The following CAMTA1 variants were observed in gnomAD, a reference collection of about 807,000 sequenced individuals.
CAMTA1 encodes calmodulin binding transcription activator 1.
A neutral mutation model predicts 170.9 loss-of-function variants in CAMTA1; 27 were observed. The observed-to-expected ratio is 0.16, with a 90% CI of 0.12 to 0.22. The LOEUF (loss-of-function observed/expected upper bound fraction) is 0.22. Ranked by LOEUF, CAMTA1 falls within the 10% of genes least tolerant of loss-of-function variation. The probability of loss-of-function intolerance (pLI) is 1.00; values close to 1 mark genes in which losing one functional copy is unlikely to be tolerated. For synonymous variants in CAMTA1, 833 were observed against 891.5 expected (o/e 0.93, Z 1.17); for missense variants, 1,619 against 2,217.2 (o/e 0.73, Z 5.42).
chr1:7,425,735 C>G (rs774604136), intron 5 of CAMTA1, among the ~76,000 whole-genome samples: 1 of 151,936 alleles, frequency 6.6e-6, no homozygotes, highest in African/African-American at 2.4e-5. Context: ...GGTCCATCCA[C>G]CTCACTCTGT....
At chr1:7,514,465 G>A (rs183364469) in intron 6 of CAMTA1, among the ~76,000 whole-genome samples, 24 of 152,358 alleles carry the variant, frequency 1.6e-4, no homozygotes, top group South Asian at 6.2e-4. Flanking sequence ...ATGGCATCAC[G>A]GAGCACTTGC....
chr1:7,494,291 A>G (rs961404136), intron 6 of CAMTA1, among the ~76,000 whole-genome samples: 2 of 152,226 alleles, frequency 1.3e-5, no homozygotes, highest in Non-Finnish European at 2.9e-5. Flanking sequence ...CACATTTGCT[A>G]TAGATCAGAA....
chr1:6,963,701 C>T (rs1690974459), intron 3 of CAMTA1, among the ~76,000 whole-genome samples: 1 of 152,206 alleles, frequency 6.6e-6, no homozygotes, highest in Admixed American at 6.5e-5. Flanking sequence ...GTGGGGCGGG[C>T]TGCTGACCTG....
At chr1:7,091,929 T>C (rs763748750) in intron 4 of CAMTA1, among the ~76,000 whole-genome samples, 1 of 152,174 alleles carries the variant, frequency 6.6e-6, no homozygotes, top group Non-Finnish European at 1.5e-5. Flanking sequence ...TTAGTGAAAA[T>C]ATAGCTGACC....
At chr1:7,217,109 A>G (rs1659877176) in intron 4 of CAMTA1, among the ~76,000 whole-genome samples, 1 of 152,176 alleles carries the variant, frequency 6.6e-6, no homozygotes, top group Non-Finnish European at 1.5e-5. Flanking sequence ...CCCATGTGTC[A>G]AGGGTGGGAC....
intron 3 of CAMTA1, among the ~76,000 whole-genome samples, chr1:6,843,404 T>C (rs577280152): frequency 6.6e-6 from 1 of 152,354 alleles, no homozygotes; most frequent in Admixed American, 6.5e-5. Flanking sequence ...GAATTTCAGT[T>C]AGAAAACTTT....
intron 6 of CAMTA1, among the ~76,000 whole-genome samples, chr1:7,623,755 C>T (rs2150789302): frequency 6.6e-6 from 1 of 152,366 alleles, no homozygotes; most frequent in East Asian, 1.9e-4. Flanking sequence ...GCCTCGGCCT[C>T]CCGAGGTGCT....
chr1:7,225,692 C>G (rs1038399129), intron 4 of CAMTA1, among the ~76,000 whole-genome samples: 3 of 152,240 alleles, frequency 2.0e-5, no homozygotes, highest in African/African-American at 7.2e-5. Flanking sequence ...GGGTTCACTT[C>G]TCTGCATCAG....
Position 7,664,449 on chromosome 1 carries a change from C to T in CAMTA1, c.1902C>T (p.Ser634=). ...PLPVEQNTHS[S]LSDSGGTFVM... ...CCGTCGAGCAGAACACCCACAGCAGCCTGAGTGACTCTGGGGGCACCTTCG... is the reference window on the plus strand; with the variant it reads ...CCGTCGAGCAGAACACCCACAGCAGTCTGAGTGACTCTGGGGGCACCTTCG... Residue 634 remains serine (S), a synonymous_variant, in exon 9 of 23, where the codon AGC becomes AGT. Transcript: ENST00000303635. 1.2e-6 allele frequency: 2 copies of T among 1,613,496 alleles called. No individual in the cohort carries two copies. The highest frequency in any genetic ancestry group is 1.7e-6 in the Non-Finnish European group (2 of 1,180,032).
At chr1:7,219,338 C>T (rs562822976) in intron 4 of CAMTA1, 1 of 151,498 alleles carries the variant, frequency 6.6e-6, no homozygotes, top group Non-Finnish European at 1.5e-5. Context: ...GCGAGTAGGT[C>T]TCTATCAAGA....
intron 1 of CAMTA1, among the ~76,000 whole-genome samples, chr1:6,788,914 C>T (rs927295244): frequency 6.6e-6 from 1 of 152,160 alleles, no homozygotes; most frequent in Non-Finnish European, 1.5e-5. Context: ...GTGCAGAATG[C>T]TCTGTTGCAG....
chr1:6,940,148 C>T (rs767067920), intron 3 of CAMTA1, among the ~76,000 whole-genome samples: 3 of 152,230 alleles, frequency 2.0e-5, no homozygotes, highest in Non-Finnish European at 4.4e-5. Flanking sequence ...AGAAACAGGA[C>T]CCCTACTATA....
intron 5 of CAMTA1, chr1:7,389,423 C>T (rs1253756041): frequency 1.3e-5 from 2 of 152,454 alleles, no homozygotes; most frequent in African/African-American, 4.8e-5. Flanking sequence ...TGAACACGAC[C>T]CTGTCCCCTG....
intron 3 of CAMTA1, among the ~76,000 whole-genome samples, chr1:7,082,176 G>A (rs1165676628): frequency 6.6e-6 from 1 of 152,130 alleles, no homozygotes; most frequent in Non-Finnish European, 1.5e-5. Flanking sequence ...GGTGGCTCAG[G>A]CCTGTAACCC....
At position 7,672,324 on chromosome 1, in the gene CAMTA1, GCCA is replaced by G. The variant is rs1408286678; in HGVS notation, c.2779+1296_2779+1298del. Among the ~76,000 whole-genome samples the G allele has an allele frequency of 2.6e-5, 4 of 152,158 alleles. No individual in the cohort carries two copies. The South Asian group carries it at 8.3e-4, about 31-fold the overall frequency. On this transcript the variant is annotated intron_variant, in intron 10 of 22. Coordinates refer to ENST00000303635, the MANE Select transcript of CAMTA1 (RefSeq NM_015215.4). ...TGAGCCTTGGCTGCCCCAGCTGTCTGCCACCACCACCCCACCCTTGAACCATGC... is the reference window on the plus strand; with the variant it reads ...TGAGCCTTGGCTGCCCCAGCTGTCTGCCACCACCCCACCCTTGAACCATGC...
chr1:7,400,432 T>C (rs547915534), intron 5 of CAMTA1, among the ~76,000 whole-genome samples: 3,695 of 152,328 alleles, frequency 0.024, 142 homozygotes, highest in African/African-American at 0.084. Context: ...CTCACTGAGT[T>C]CCCTTAAGAT....
intron 4 of CAMTA1, among the ~76,000 whole-genome samples, chr1:7,107,456 A>G (rs540426961): frequency 1.3e-5 from 2 of 152,152 alleles, no homozygotes; most frequent in African/African-American, 2.4e-5. Flanking sequence ...GCATGCCCTG[A>G]TAGGGTCGGG....
chr1:7,499,803 TTG>T (rs1364925405), intron 6 of CAMTA1, among the ~76,000 whole-genome samples: 1 of 126,810 alleles, frequency 7.9e-6, no homozygotes, highest in African/African-American at 3.1e-5. Context: ...GTGGAGAGGA[TTG>T]TGTGAGCCTG....
chr1:7,330,398 C>T lies in CAMTA1; in HGVS notation c.438+80772C>T, dbSNP rs138876863. Among the ~76,000 whole-genome samples the T allele has an allele frequency of 3.6e-3, 552 of 152,276 alleles. 8 individuals are homozygous for T. Among genetic ancestry groups the T allele is most frequent in the Admixed American group, 0.023 (357 of 15,292 alleles). ...GCTGCTGGGGAAGAGACACGTTTGT[C>T]GTGCCTTTCCTACCCGGAGCTCCCC... On this transcript the variant is annotated intron_variant, in intron 5 of 22. Coordinates refer to ENST00000303635, the MANE Select transcript of CAMTA1 (RefSeq NM_015215.4).
Sources: allele counts gnomAD v4.1 joint callset (sites outside exome capture counted in the v4.1 genomes callset), GRCh38; gene constraint gnomAD v4.1.1; transcripts MANE v1.5; gene names NCBI Gene and HGNC (gene_info 2026-07-23, HGNC 2026-07-21).